The following EDIL3 variants were observed in gnomAD, a reference collection of about 807,000 sequenced individuals.
The protein encoded by EDIL3 is EGF like and discoidin domains 3.
A neutral mutation model predicts 67.4 loss-of-function variants in EDIL3; 37 were observed. The ratio of observed to expected loss-of-function variants is 0.55; its 90% CI spans 0.42 to 0.72. The LOEUF (loss-of-function observed/expected upper bound fraction) is 0.72, where lower values mean the gene tolerates loss of function less well. Ranked by LOEUF, EDIL3 falls within the 30% of genes least tolerant of loss-of-function variation. The pLI, the probability that EDIL3 is intolerant of heterozygous loss-of-function variation, is 0.00. For synonymous variants in EDIL3, 195 were observed against 196.3 expected (o/e 0.99, Z 0.05); for missense variants, 527 against 586.3 (o/e 0.90, Z 1.04).
At chr5:84,105,227 T>A (rs1225097828) in intron 6 of EDIL3, among the ~76,000 whole-genome samples, 1 of 152,136 alleles carries the variant, frequency 6.6e-6, no homozygotes, top group Non-Finnish European at 1.5e-5. Context: ...TATCTGGAGT[T>A]CATTTTGCAC....
intron 1 of EDIL3, among the ~76,000 whole-genome samples, chr5:84,278,316 T>A (rs1380317475): frequency 6.6e-6 from 1 of 152,220 alleles, no homozygotes; most frequent in Non-Finnish European, 1.5e-5. Flanking sequence ...TGTAACTAAA[T>A]ATAGCAGATG....
At chr5:84,218,077 A>G (rs1744267872) in intron 3 of EDIL3, among the ~76,000 whole-genome samples, 1 of 152,208 alleles carries the variant, frequency 6.6e-6, no homozygotes, top group East Asian at 1.9e-4. Flanking sequence ...TTTCAACATT[A>G]TAACAGAAGT....
intron 3 of EDIL3, among the ~76,000 whole-genome samples, chr5:84,199,508 T>C (rs1743786476): frequency 6.6e-6 from 1 of 151,488 alleles, no homozygotes; most frequent in African/African-American, 2.4e-5. Context: ...AGAATTGAAT[T>C]AAGATGCAGA....
chr5:83,995,081 G>A (rs1282973267), intron 9 of EDIL3, among the ~76,000 whole-genome samples: 1 of 151,400 alleles, frequency 6.6e-6, no homozygotes, highest in African/African-American at 2.4e-5. Context: ...ACAAATTAAG[G>A]TTTTAAGAAT....
intron 1 of EDIL3, among the ~76,000 whole-genome samples, chr5:84,281,502 C>T (rs1450244818): frequency 3.9e-5 from 6 of 152,200 alleles, no homozygotes; most frequent in Non-Finnish European, 7.3e-5. Flanking sequence ...CCACATGAAA[C>T]ACTCAGCAAA....
At chr5:84,282,700 A>G (rs1198724194) in intron 1 of EDIL3, among the ~76,000 whole-genome samples, 2 of 152,200 alleles carry the variant, frequency 1.3e-5, no homozygotes, top group East Asian at 3.8e-4. Flanking sequence ...ATCTACTTAT[A>G]TTCCCACCAC....
chr5:84,125,363 G>A (rs748637151), intron 5 of EDIL3, among the ~76,000 whole-genome samples: 19 of 151,992 alleles, frequency 1.3e-4, no homozygotes, highest in Non-Finnish European at 2.5e-4. Flanking sequence ...TTTGCAAAAT[G>A]TCTAAGTTTT....
intron 9 of EDIL3, among the ~76,000 whole-genome samples, chr5:83,969,325 C>G (rs576147606): frequency 6.6e-6 from 1 of 151,812 alleles, no homozygotes; most frequent in South Asian, 2.1e-4. Context: ...GGCCACATAT[C>G]TCTTCATTCC....
At chr5:84,149,324 G>C (rs1277580754) in intron 4 of EDIL3, among the ~76,000 whole-genome samples, 1 of 152,174 alleles carries the variant, frequency 6.6e-6, no homozygotes, top group Non-Finnish European at 1.5e-5. Context: ...GAATAGACCA[G>C]AGGGAGCAAT....
chr5:84,262,659 G>GTGTTTTTTTTTT (rs1745250482), intron 1 of EDIL3, among the ~76,000 whole-genome samples: 1 of 46,310 alleles, frequency 2.2e-5, no homozygotes. Context: ...AGGTTGGTTG[G>GTGTTTTTTTTTT]TTTTTTTTTT....
intron 9 of EDIL3, among the ~76,000 whole-genome samples, chr5:84,055,868 T>C (rs1033677478): frequency 7.9e-5 from 12 of 152,180 alleles, no homozygotes; most frequent in Non-Finnish European, 1.8e-4. Context: ...GGTGGGACTG[T>C]AAACTAGTTC....
intron 10 of EDIL3, among the ~76,000 whole-genome samples, chr5:83,946,570 G>A (rs564470556): frequency 1.4e-4 from 21 of 151,980 alleles, no homozygotes; most frequent in African/African-American, 4.6e-4. Flanking sequence ...ATCTCAGCAC[G>A]GAGAGAATAT....
chr5:84,346,074 T>G (rs1218749051), intron 1 of EDIL3, among the ~76,000 whole-genome samples: 2 of 151,980 alleles, frequency 1.3e-5, no homozygotes, highest in Non-Finnish European at 2.9e-5. Flanking sequence ...TTCATTTCAT[T>G]CATTTATTTC....
intron 1 of EDIL3, among the ~76,000 whole-genome samples, chr5:84,355,702 C>A (rs10076229): frequency 0.26 from 39,948 of 152,038 alleles, 6,469 homozygotes; most frequent in Non-Finnish European, 0.37. Context: ...CTGGAGCTTT[C>A]CTGTATGAGG....
intron 9 of EDIL3, among the ~76,000 whole-genome samples, chr5:84,034,760 A>T (rs904960573): frequency 2.0e-5 from 3 of 152,168 alleles, no homozygotes; most frequent in Non-Finnish European, 4.4e-5. Flanking sequence ...AGATCCAGCT[A>T]ATAAGGATAG....
chr5:83,983,217 A>G (rs1745001339), intron 9 of EDIL3, among the ~76,000 whole-genome samples: 1 of 152,086 alleles, frequency 6.6e-6, no homozygotes, highest in East Asian at 1.9e-4. Flanking sequence ...GTTTGCAGTA[A>G]TCTGTTTACA....
chr5:84,070,668 T>C (rs1265640659), intron 6 of EDIL3, among the ~76,000 whole-genome samples: 1 of 151,028 alleles, frequency 6.6e-6, no homozygotes, highest in Non-Finnish European at 1.5e-5. Context: ...ATCATGAGTC[T>C]TACCATGGGG....
At chr5:84,110,478 A>C (rs1747539814) in intron 5 of EDIL3, among the ~76,000 whole-genome samples, 1 of 152,234 alleles carries the variant, frequency 6.6e-6, no homozygotes, top group South Asian at 2.1e-4. Flanking sequence ...TAATATGAAA[A>C]TATACATTGC....
chr5:84,085,140 G>A (rs1000411065), intron 6 of EDIL3, among the ~76,000 whole-genome samples: 2 of 152,148 alleles, frequency 1.3e-5, no homozygotes, highest in Non-Finnish European at 2.9e-5. Context: ...TTAGCTAAGA[G>A]GAGTTTGTTA....
Sources: allele counts gnomAD v4.1 joint callset (sites outside exome capture counted in the v4.1 genomes callset), GRCh38; gene constraint gnomAD v4.1.1; transcripts MANE v1.5; gene names NCBI Gene and HGNC (gene_info 2026-07-23, HGNC 2026-07-21).